LAMA2: variants seen among roughly 807,000 people sequenced by gnomAD.
LAMA2 encodes laminin subunit alpha 2.
LAMA2 carries 269 observed loss-of-function variants against 364.8 expected under a neutral mutation model. The ratio of observed to expected loss-of-function variants is 0.74; its 90% confidence interval spans 0.67 to 0.82. The LOEUF is 0.82. Ranked by LOEUF, LAMA2 falls within the 40% of genes least tolerant of loss-of-function variation. The pLI is 0.00. For missense variants in LAMA2, 3,807 were observed against 3,873.2 expected, an observed-to-expected ratio of 0.98 and a Z score of 0.45; for synonymous variants, 1,379 against 1,370.6, an observed-to-expected ratio of 1.01 and a Z score of -0.14.
At position 128,921,604 on chromosome 6, in the gene LAMA2, T is replaced by C. The variant is rs142146319; in HGVS notation, c.112+38247T>C. Among the ~76,000 whole-genome samples, 152 of 151,860 alleles carry C rather than the reference T, an allele frequency of 1.0e-3. 1 individual carries two copies. The highest frequency in any genetic ancestry group is 3.6e-3 in the African/African-American group (151 of 41,430). On this transcript the variant is annotated intron_variant, in intron 1 of 64. Coordinates refer to ENST00000421865, the MANE Select transcript of LAMA2 (RefSeq NM_000426.4). ...CCAAGCAATGCCAAGGAAAGAAGCA[T>C]GGACATTTTTTCTTACTGTGTCTAG...
intron 18 of LAMA2, among the ~76,000 whole-genome samples, chr6:129,286,045 G>A (rs1228695169): frequency 1.3e-5 from 2 of 152,178 alleles, no homozygotes; most frequent in African/African-American, 4.8e-5. Flanking sequence ...CTCTGCCCCA[G>A]AATTGGGATT....
chr6:129,032,976 G>A (rs1258936018), intron 1 of LAMA2, among the ~76,000 whole-genome samples: 1 of 152,100 alleles, frequency 6.6e-6, no homozygotes, highest in African/African-American at 2.4e-5. Flanking sequence ...CTCTACTTTG[G>A]AGAGTAATAT....
intron 4 of LAMA2, among the ~76,000 whole-genome samples, chr6:129,104,512 A>G (rs1046631332): frequency 1.3e-5 from 2 of 152,212 alleles, no homozygotes; most frequent in African/African-American, 4.8e-5. Context: ...ACATGTGCCA[A>G]AATCTTTAGA....
At chr6:128,954,480 AT>A (rs1366165898) in intron 1 of LAMA2, among the ~76,000 whole-genome samples, 21 of 152,078 alleles carry the variant, frequency 1.4e-4, no homozygotes, top group African/African-American at 4.6e-4. Flanking sequence ...TTTAAAAAAA[AT>A]ACCTGCATCA....
chr6:129,343,193 G>A (rs1432848027), intron 30 of LAMA2, among the ~76,000 whole-genome samples: 1 of 152,086 alleles, frequency 6.6e-6, no homozygotes, highest in African/African-American at 2.4e-5. Context: ...GTAAGGCAGG[G>A]TAGTTTTACT....
At chr6:129,416,459 A>G (rs568932299) in intron 40 of LAMA2, among the ~76,000 whole-genome samples, 122 of 151,642 alleles carry the variant, frequency 8.0e-4, no homozygotes, top group Admixed American at 1.1e-3. Flanking sequence ...AGCCTCATGC[A>G]GTCTTGGTGG....
chr6:129,005,742 T>C (rs1264863893), intron 1 of LAMA2, among the ~76,000 whole-genome samples: 1 of 150,706 alleles, frequency 6.6e-6, no homozygotes, highest in East Asian at 1.9e-4. Context: ...GTGTGTATAA[T>C]TTTTTGGATC....
At position 129,326,765 on chromosome 6, in the gene LAMA2, A is replaced by T. The variant is rs1454342501; in HGVS notation, c.4177-1513A>T. 2.1e-5 allele frequency among the ~76,000 whole-genome samples: 3 copies of T among 144,850 alleles called. No homozygotes were observed. The Admixed American group carries it at 2.1e-4, about 10-fold the overall frequency. On this transcript the variant is annotated intron_variant, in intron 28 of 64. Transcript: ENST00000421865. ...TATTATATATATAATTTATATATAT[A>T]ATATATAATTTATATATTATATATA...
chr6:129,156,061 TA>T (rs1292556489), intron 8 of LAMA2, among the ~76,000 whole-genome samples: 2 of 151,944 alleles, frequency 1.3e-5, no homozygotes, highest in Admixed American at 1.3e-4. Flanking sequence ...TATTTACTCT[TA>T]AAAAATGCTG....
chr6:129,012,305 T>C (rs1010264756), intron 1 of LAMA2, among the ~76,000 whole-genome samples: 10 of 152,182 alleles, frequency 6.6e-5, no homozygotes, highest in African/African-American at 2.4e-4. Context: ...TTAATAGTTA[T>C]TTTTCTAATT....
At chr6:129,424,331 C>T (rs1781221517) in intron 40 of LAMA2, among the ~76,000 whole-genome samples, 1 of 150,850 alleles carries the variant, frequency 6.6e-6, no homozygotes. Flanking sequence ...TTAGATACAC[C>T]ACCAAAAGCA....
chr6:128,919,878 G>A (rs1446562524), intron 1 of LAMA2, among the ~76,000 whole-genome samples: 1 of 152,158 alleles, frequency 6.6e-6, no homozygotes, highest in East Asian at 1.9e-4. Flanking sequence ...TAATAGTGGT[G>A]TTCCCTTTAT....
intron 1 of LAMA2, among the ~76,000 whole-genome samples, chr6:129,004,700 A>G (rs1409975314): frequency 2.6e-5 from 4 of 152,108 alleles, no homozygotes; most frequent in Non-Finnish European, 5.9e-5. Context: ...TACTTTTCTT[A>G]TTTTCAGGCC....
At chr6:128,973,293 C>A (rs1298644019) in intron 1 of LAMA2, among the ~76,000 whole-genome samples, 1 of 152,140 alleles carries the variant, frequency 6.6e-6, no homozygotes, top group African/African-American at 2.4e-5. Context: ...ATTTTCCTAC[C>A]TCTGGCTTTG....
intron 9 of LAMA2, among the ~76,000 whole-genome samples, chr6:129,166,933 C>T (rs1779778122): frequency 6.6e-6 from 1 of 152,092 alleles, no homozygotes; most frequent in African/African-American, 2.4e-5. Context: ...ATTATTTACC[C>T]TCTCAACTTT....
At chr6:129,106,582 G>T (rs1775836051) in intron 4 of LAMA2, among the ~76,000 whole-genome samples, 1 of 151,884 alleles carries the variant, frequency 6.6e-6, no homozygotes, top group African/African-American at 2.4e-5. Context: ...TTAGACCAAT[G>T]TGGGGCCAAT....
chr6:128,945,688 A>G (rs971593953), intron 1 of LAMA2, among the ~76,000 whole-genome samples: 5 of 152,190 alleles, frequency 3.3e-5, no homozygotes, highest in Admixed American at 2.0e-4. Context: ...GTGTATACAC[A>G]TTTCCTATCA....
chr6:128,992,189 C>G (rs1414403329), intron 1 of LAMA2, among the ~76,000 whole-genome samples: 1 of 152,160 alleles, frequency 6.6e-6, no homozygotes, highest in African/African-American at 2.4e-5. Flanking sequence ...TGCTCTGACT[C>G]TAGTCATTGG....
At chr6:129,481,045 CTGATTT>C (rs1273562212) in intron 54 of LAMA2, among the ~76,000 whole-genome samples, 1 of 152,094 alleles carries the variant, frequency 6.6e-6, no homozygotes, top group East Asian at 1.9e-4. Flanking sequence ...GGCTATAATT[CTGATTT>C]TAACAAAAAC....
Sources: allele counts gnomAD v4.1 joint callset (sites outside exome capture counted in the v4.1 genomes callset), GRCh38; gene constraint gnomAD v4.1.1; transcripts MANE v1.5; gene names NCBI Gene and HGNC (gene_info 2026-07-23, HGNC 2026-07-21).